Variants in FBXO31 observed in about 807,000 individuals in gnomAD.
FBXO31 encodes F-box only protein 31.
Under a neutral mutation model 54.4 loss-of-function variants are expected in FBXO31, and 24 were observed. That is an observed-to-expected ratio of 0.44 (90% CI 0.32 to 0.62). The LOEUF is 0.62. FBXO31 is among the 20% of genes least tolerant of loss of function. The pLI, the probability that FBXO31 is intolerant of heterozygous loss-of-function variation, is 0.05. For synonymous variants in FBXO31, 388 were observed against 335.6 expected, an observed-to-expected ratio of 1.16 and a Z score of -1.71; for missense variants, 665 against 787.1, an observed-to-expected ratio of 0.84 and a Z score of 1.86.
rs142295558 is a variant in FBXO31 at position 87,330,578 on chromosome 16, T to C, written c.*710A>G. Reference sequence around the variant, plus strand: ...AGCTGGAGGGGCTGGGGCAGGTGCATGGGCTGGGCTGTGCATTCAGGTGAC... The same window carrying C: ...AGCTGGAGGGGCTGGGGCAGGTGCACGGGCTGGGCTGTGCATTCAGGTGAC... On this transcript the variant is annotated 3_prime_UTR_variant, in exon 9 of 9. Coordinates refer to ENST00000311635, the MANE Select transcript of FBXO31 (RefSeq NM_024735.5). The C allele has an allele frequency of 3.7e-3, 564 of 152,576 alleles. 1 individual carries two copies. The highest frequency in any genetic ancestry group is 4.7e-3 in the Non-Finnish European group (322 of 68,216). 9.5% of individuals were successfully genotyped at this position (152,576 alleles called of 1,614,324 possible).
In FBXO31 at chr16:87,334,021, C is replaced by A; in HGVS notation, c.1262G>T (p.Gly421Val). The A allele has an allele frequency of 1.2e-6, 2 of 1,612,772 alleles. No individual in the cohort carries two copies. Among genetic ancestry groups the A allele is most frequent in the Non-Finnish European group, 8.5e-7 (1 of 1,179,754 alleles). ...ATCCCCAGGCTCGCCACCATCCTCA[C>A]CAGGTGTCCCATCTGGGCCCTTGCT... ...APSKGPDGTP[G>V]EDGGEPGDAV... Residue 421 changes from glycine (G) to valine (V), a missense_variant, in exon 8 of 9, where the codon GGT (glycine) becomes GTT (valine). Coordinates refer to ENST00000311635, the MANE Select transcript of FBXO31 (RefSeq NM_024735.5).
chr16:87,329,751 G>C lies in FBXO31; in HGVS notation c.*1537C>G. ...GGCGCTTTCTCCACTGGCTTTTCTCGTGAGTCTTTCTCCCAGGCCGGCCAG... is the reference window on the plus strand; with the variant it reads ...GGCGCTTTCTCCACTGGCTTTTCTCCTGAGTCTTTCTCCCAGGCCGGCCAG... On this transcript the variant is annotated 3_prime_UTR_variant, in exon 9 of 9. Transcript: ENST00000311635. 6.6e-6 allele frequency: 1 copy of C among 152,362 alleles called. No homozygotes were observed. The highest frequency in any genetic ancestry group is 1.9e-4 in the East Asian group (1 of 5,188). The allele number at this position is 152,362 out of a possible 1,614,324, so 9.4% of individuals were successfully genotyped here.
At chr16:87,377,280 A>G in intron 1 of FBXO31, among the ~76,000 whole-genome samples, 1 of 152,170 alleles carries the variant, frequency 6.6e-6, no homozygotes, top group East Asian at 1.9e-4. Flanking sequence ...ATCTGTCTCT[A>G]TAAAAAGATA....
chr16:87,365,653 A>G (rs1396442638), intron 1 of FBXO31, among the ~76,000 whole-genome samples: 1 of 152,230 alleles, frequency 6.6e-6, no homozygotes, highest in Non-Finnish European at 1.5e-5. Flanking sequence ...CCATGGTAAC[A>G]TGCATTTCCA....
At chr16:87,343,880 TG>T (rs1905273447) in intron 3 of FBXO31, 115 bp from the exon 4 acceptor site, 1 of 1,147,602 alleles carries the variant, frequency 8.7e-7, no homozygotes, top group Non-Finnish European at 1.3e-6. Flanking sequence ...GACCAGCACA[TG>T]GGACCTGCAC....
chr16:87,350,042 C>G (rs900793823), intron 2 of FBXO31, among the ~76,000 whole-genome samples: 1 of 152,134 alleles, frequency 6.6e-6, no homozygotes, highest in Non-Finnish European at 1.5e-5. Flanking sequence ...CACATGTTGG[C>G]GAACATGGTT....
In FBXO31 at chr16:87,349,834, G is replaced by A. The variant is rs192657410; in HGVS notation, c.413-2584C>T. 6.3e-4 allele frequency among the ~76,000 whole-genome samples: 96 copies of A among 151,998 alleles called. 1 individual carries two copies. The East Asian group carries it at 0.016, about 25-fold the overall frequency. On this transcript the variant is annotated intron_variant, in intron 2 of 8. Transcript: ENST00000311635. ...TGAGGTGGGAGGACCACTTGAGCCCGGGAGGCGGAGGCTGTAGTGAGCTAT... is the reference window on the plus strand; with the variant it reads ...TGAGGTGGGAGGACCACTTGAGCCCAGGAGGCGGAGGCTGTAGTGAGCTAT...
intron 1 of FBXO31, among the ~76,000 whole-genome samples, chr16:87,365,040 T>TATATATATATATATATATATATA (rs1906308509): frequency 8.7e-6 from 1 of 114,486 alleles, no homozygotes; most frequent in African/African-American, 3.3e-5. Flanking sequence ...TATATATATA[T>TATATATATATATATATATATATA]CAGGCAGGCC....
At position 87,327,741 on chromosome 16, in the gene FBXO31, G is replaced by C. The variant is rs1165533816; in HGVS notation, c.*3547C>G. On this transcript the variant is annotated 3_prime_UTR_variant, in exon 9 of 9. Coordinates refer to ENST00000311635, the MANE Select transcript of FBXO31 (RefSeq NM_024735.5). ...AATAATTACGGGGATGAGGAGTCCA[G>C]TGATGTTCCTGGTCTCTCCCCAGAA... The C allele has an allele frequency of 6.6e-6, 1 of 152,330 alleles. No individual in the cohort carries two copies. 9.4% of individuals were successfully genotyped at this position (152,330 alleles called of 1,614,324 possible). A position where few individuals can be genotyped will look rare whatever the true frequency, so the allele number is the denominator to read the frequency against.
intron 5 of FBXO31, among the ~76,000 whole-genome samples, chr16:87,339,153 A>C (rs1181306105): frequency 6.6e-6 from 1 of 152,228 alleles, no homozygotes; most frequent in East Asian, 1.9e-4. Context: ...AAAATGGACT[A>C]ATACAGTGCT....
rs557652295 is a variant in FBXO31 at position 87,355,767 on chromosome 16, G to A, written c.412+4528C>T. On this transcript the variant is annotated intron_variant, in intron 2 of 8. Coordinates refer to ENST00000311635, the MANE Select transcript of FBXO31 (RefSeq NM_024735.5). ...GCCAGCCCGGCAGCGTGGGGAGGAG[G>A]TCTCTTCCTCGTGAGCTACATGAAG... Among the ~76,000 whole-genome samples the A allele has an allele frequency of 1.7e-3, 252 of 152,218 alleles. 2 individuals are homozygous for A. Among genetic ancestry groups the A allele is most frequent in the Middle Eastern group, 0.014 (4 of 294 alleles).
rs55746745 is a variant in FBXO31, at chr16:87,365,010, AATATATAT to A, written c.341-4652_341-4645del. 6.5e-3 allele frequency among the ~76,000 whole-genome samples: 308 copies of A among 47,616 alleles called. 46 individuals carry two copies. In the East Asian group the frequency reaches 0.073, roughly 11 times the overall value. The allele number at this position is 47,616 out of a possible 152,430, so 31.2% of individuals were successfully genotyped here. ...TGACAGAGCGAGACCCCGTCTCTTAAATATATATATATATATATATATATATATATCAG... is the reference window on the plus strand; with the variant it reads ...TGACAGAGCGAGACCCCGTCTCTTAAATATATATATATATATATATATCAG... On this transcript the variant is annotated intron_variant, in intron 1 of 8. Coordinates refer to ENST00000311635, the MANE Select transcript of FBXO31 (RefSeq NM_024735.5).
chr16:87,360,511 C>A, intron 1 of FBXO31, 145 bp from the exon 2 acceptor site: 1 of 667,330 alleles, frequency 1.5e-6, no homozygotes, highest in Non-Finnish European at 2.7e-6. Flanking sequence ...GGAGATTTCA[C>A]TGACTTCTCC....
rs1433304905 is a variant in FBXO31 at position 87,346,613 on chromosome 16, T to C, written c.489+561A>G. On this transcript the variant is annotated intron_variant, in intron 3 of 8. Coordinates refer to ENST00000311635, the MANE Select transcript of FBXO31 (RefSeq NM_024735.5). The surrounding 1 kb of genome is among the most constrained non-coding windows in gnomAD (Gnocchi z 4.2). ...GGGAGAAGGGAAACGGAGACGACTC[T>C]GCCACCAGCCTGGACTTCCGCCTGC... Among the ~76,000 whole-genome samples, 1 of 152,174 alleles carries C rather than the reference T, an allele frequency of 6.6e-6. No homozygotes were observed. The highest frequency in any genetic ancestry group is 2.4e-5 in the African/African-American group (1 of 41,440).
chr16:87,382,345 G>T (rs540434517), intron 1 of FBXO31, among the ~76,000 whole-genome samples: 20 of 152,278 alleles, frequency 1.3e-4, no homozygotes, highest in African/African-American at 4.8e-4. Flanking sequence ...GACTGCTGGG[G>T]TCTCTGATGG....
chr16:87,355,025 G>C (rs958239674), intron 2 of FBXO31, among the ~76,000 whole-genome samples: 1 of 151,806 alleles, frequency 6.6e-6, no homozygotes, highest in African/African-American at 2.4e-5. Flanking sequence ...GCCTTCTACC[G>C]TATGGGCTTG....
intron 1 of FBXO31, among the ~76,000 whole-genome samples, chr16:87,371,948 G>A (rs535712670): frequency 3.9e-5 from 6 of 152,122 alleles, no homozygotes; most frequent in African/African-American, 1.4e-4. Flanking sequence ...TTTGGGCTGG[G>A]TGCAGTGGCT....
In FBXO31 at chr16:87,336,366, T is replaced by C. The variant is rs960449221; in HGVS notation, c.733-102A>G. ...GACACAGTGTGTCCTTCTTTGTCAG[T>C]GCACAGGCACCTGCAGGGCCCTCTT... On this transcript the variant is annotated intron_variant, in intron 5 of 8. Transcript: ENST00000311635. The surrounding 1 kb of genome is among the most constrained non-coding windows in gnomAD (Gnocchi z 6.5). 2 of 1,007,876 alleles carry C rather than the reference T, an allele frequency of 2.0e-6. No homozygotes were observed. Among genetic ancestry groups the C allele is most frequent in the Admixed American group, 3.7e-5 (2 of 53,684 alleles). The allele number at this position is 1,007,876 out of a possible 1,614,324, so 62.4% of individuals were successfully genotyped here.
chr16:87,352,302 T>C (rs2150680608), intron 2 of FBXO31, among the ~76,000 whole-genome samples: 1 of 152,316 alleles, frequency 6.6e-6, no homozygotes, highest in African/African-American at 2.4e-5. Context: ...AGTTTTTCAG[T>C]ACCAAAAATT....
Sources: gnomAD v4.1 joint callset for allele counts (sites outside exome capture counted in the v4.1 genomes callset) on GRCh38, gnomAD v4.1.1 for gene constraint, Gnocchi (gnomAD v3.1) non-coding constraint, MANE v1.5 for transcripts, NCBI Gene and HGNC (gene_info 2026-07-23, HGNC 2026-07-21) for gene names.